Variants in PTPRM observed in about 807,000 individuals in gnomAD.
The protein encoded by PTPRM is receptor-type tyrosine-protein phosphatase mu.
In PTPRM, 47 loss-of-function variants were observed where a neutral mutation model predicts 186.7. The observed-to-expected ratio is 0.25, with a 90% confidence interval of 0.20 to 0.32. The LOEUF is 0.32. PTPRM is among the 10% of genes least tolerant of loss of function. PTPRM has a pLI of 1.00. For synonymous variants in PTPRM, 668 were observed against 674.9 expected (o/e 0.99, Z 0.16); for missense variants, 1,494 against 1,865.0 (o/e 0.80, Z 3.66).
chr18:8,103,728 G>A (rs1326212354), intron 11 of PTPRM, among the ~76,000 whole-genome samples: 2 of 152,302 alleles, frequency 1.3e-5, no homozygotes, highest in East Asian at 3.9e-4. Flanking sequence ...CACTGGAGTA[G>A]CACTTTTAAT....
chr18:7,665,347 T>C (rs2039071378), intron 1 of PTPRM, among the ~76,000 whole-genome samples: 1 of 152,194 alleles, frequency 6.6e-6, no homozygotes, highest in South Asian at 2.1e-4. Context: ...CTTTTCCTTA[T>C]GATGTTGTAC....
intron 14 of PTPRM, among the ~76,000 whole-genome samples, chr18:8,184,518 G>A (rs2093617844): frequency 6.6e-6 from 1 of 152,100 alleles, no homozygotes; most frequent in Non-Finnish European, 1.5e-5. Context: ...AGAAGAGAAG[G>A]GGAGCCTCGG....
At chr18:8,160,400 A>G (rs564531184) in intron 14 of PTPRM, among the ~76,000 whole-genome samples, 2 of 151,998 alleles carry the variant, frequency 1.3e-5, no homozygotes, top group Non-Finnish European at 2.9e-5. Flanking sequence ...CCCCGTCTCA[A>G]CCTCCCAAGT....
chr18:7,964,382 ACT>A (rs566866904), intron 7 of PTPRM, among the ~76,000 whole-genome samples: 138 of 152,128 alleles, frequency 9.1e-4, no homozygotes, highest in Non-Finnish European at 1.4e-3. Context: ...ATAGCTAAAA[ACT>A]CTCAACAAAC....
chr18:8,400,009 A>G (rs978991566), intron 32 of PTPRM, among the ~76,000 whole-genome samples: 6 of 152,200 alleles, frequency 3.9e-5, no homozygotes, highest in African/African-American at 1.4e-4. Flanking sequence ...AATCCAGGAT[A>G]AAGGGTGGTA....
At chr18:7,776,411 T>C (rs897501459) in intron 2 of PTPRM, among the ~76,000 whole-genome samples, 6 of 152,318 alleles carry the variant, frequency 3.9e-5, no homozygotes, top group Admixed American at 3.3e-4. Context: ...TGTGCTTATG[T>C]GCATGGGTGC....
intron 8 of PTPRM, among the ~76,000 whole-genome samples, chr18:8,074,835 C>T (rs2089706348): frequency 6.6e-6 from 1 of 152,164 alleles, no homozygotes; most frequent in African/African-American, 2.4e-5. Flanking sequence ...CAGAAGCCTT[C>T]TCCCATTCTG....
intron 1 of PTPRM, among the ~76,000 whole-genome samples, chr18:7,691,458 G>A (rs559097533): frequency 6.6e-6 from 1 of 152,278 alleles, no homozygotes; most frequent in African/African-American, 2.4e-5. Flanking sequence ...GGGAGGAGTG[G>A]AGTATGAAAA....
intron 14 of PTPRM, among the ~76,000 whole-genome samples, chr18:8,190,532 C>G (rs1013737283): frequency 2.1e-4 from 32 of 152,126 alleles, no homozygotes; most frequent in Admixed American, 1.3e-4. Flanking sequence ...GTCTTCCTTC[C>G]CTTTCAGAAA....
At chr18:8,278,969 C>T (rs780387720) in intron 19 of PTPRM, among the ~76,000 whole-genome samples, 7 of 152,020 alleles carry the variant, frequency 4.6e-5, no homozygotes, top group Non-Finnish European at 1.0e-4. Context: ...AGGAGAAATA[C>T]CTAATGTAAA....
chr18:7,796,609 CCA>C (rs1379776173), intron 2 of PTPRM, among the ~76,000 whole-genome samples: 1 of 152,186 alleles, frequency 6.6e-6, no homozygotes, highest in Non-Finnish European at 1.5e-5. Context: ...AGGCCAAATG[CCA>C]CAGTCCTCTG....
chr18:8,290,499 T>C (rs2095030821), intron 19 of PTPRM, among the ~76,000 whole-genome samples: 1 of 152,084 alleles, frequency 6.6e-6, no homozygotes, highest in South Asian at 2.1e-4. Flanking sequence ...TGTATAATTA[T>C]ATCCTGTGGA....
At chr18:8,277,078 G>A (rs1055250321) in intron 19 of PTPRM, among the ~76,000 whole-genome samples, 8 of 151,958 alleles carry the variant, frequency 5.3e-5, no homozygotes, top group East Asian at 1.9e-4. Context: ...CTGGGACTAC[G>A]GGCACCTACC....
intron 19 of PTPRM, among the ~76,000 whole-genome samples, chr18:8,262,902 A>T (rs1158232553): frequency 6.6e-6 from 1 of 152,226 alleles, no homozygotes; most frequent in African/African-American, 2.4e-5. Context: ...GGGAAATGAT[A>T]GAGATGGATA....
At chr18:8,289,821 G>C (rs770384500) in intron 19 of PTPRM, among the ~76,000 whole-genome samples, 1 of 151,886 alleles carries the variant, frequency 6.6e-6, no homozygotes, top group Non-Finnish European at 1.5e-5. Flanking sequence ...CCAGAGATTA[G>C]CAGCTTCTTT....
chr18:7,751,609 G>T (rs2041219496), intron 1 of PTPRM: 1 of 152,164 alleles, frequency 6.6e-6, no homozygotes, highest in Non-Finnish European at 1.5e-5. Flanking sequence ...GTGATTTGGG[G>T]TAGAAAACAT....
At chr18:7,618,518 G>T (rs974332677) in intron 1 of PTPRM, among the ~76,000 whole-genome samples, 17 of 151,958 alleles carry the variant, frequency 1.1e-4, no homozygotes, top group African/African-American at 3.6e-4. Context: ...ATTACTGAAG[G>T]CTCAAAACAA....
At chr18:7,771,480 T>A (rs1038250945) in intron 1 of PTPRM, among the ~76,000 whole-genome samples, 9 of 152,240 alleles carry the variant, frequency 5.9e-5, no homozygotes, top group African/African-American at 2.2e-4. Flanking sequence ...TCCATTTTGT[T>A]TCTGGAGTTG....
chr18:7,737,414 G>A (rs1301189699), intron 1 of PTPRM, among the ~76,000 whole-genome samples: 3 of 152,186 alleles, frequency 2.0e-5, no homozygotes, highest in South Asian at 2.1e-4. Context: ...ATTTTTAAAC[G>A]GAAACTTTTT....
Sources: allele counts gnomAD v4.1 joint callset (sites outside exome capture counted in the v4.1 genomes callset), GRCh38; gene constraint gnomAD v4.1.1; transcripts MANE v1.5; gene names NCBI Gene and HGNC (gene_info 2026-07-23, HGNC 2026-07-21).